GCKR: variants seen among roughly 807,000 people sequenced by gnomAD.
The protein encoded by GCKR is glucokinase regulatory protein.
In GCKR, 73 loss-of-function variants were observed where a neutral mutation model predicts 82.9. That is an observed-to-expected ratio of 0.88 (90% confidence interval 0.73 to 1.07). GCKR has a LOEUF of 1.07. Among genes scored for constraint, GCKR ranks in the 50% least tolerant of loss-of-function variants. The probability of loss-of-function intolerance (pLI) is 0.00; values close to 1 mark genes in which losing one functional copy is unlikely to be tolerated. For synonymous variants in GCKR, 294 were observed against 291.8 expected (o/e 1.01, Z -0.08); for missense variants, 784 against 782.1 (o/e 1.00, Z -0.03).
intron 11 of GCKR, 22 bp downstream of exon 11, chr2:27,506,601 G>T (rs372052187): frequency 1.3e-5 from 20 of 1,527,892 alleles, no homozygotes; most frequent in Non-Finnish European, 1.8e-5. Context: ...TGTGTTTAGA[G>T]GTGAGGATGT....
chr2:27,515,765 A>ATTTT (rs60183178), intron 16 of GCKR, among the ~76,000 whole-genome samples: 1 of 106,926 alleles, frequency 9.4e-6, no homozygotes, highest in Non-Finnish European at 1.8e-5. Context: ...ATATATATAT[A>ATTTT]TTTTTTTTTT....
chr2:27,523,262 C>T lies in GCKR; in HGVS notation c.1708-7C>T. ...AGGCTTCAGTGCCCACTGCCTCTTC[C>T]CCACAGGTGATACCCATCGCCTTGC... On this transcript the variant is annotated splice_polypyrimidine_tract_variant and splice_region_variant and intron_variant, in intron 18 of 18. Transcript: ENST00000264717. The T allele has an allele frequency of 6.2e-7, 1 of 1,611,690 alleles. No individual in the cohort carries two copies.
intron 7 of GCKR, 102 bp downstream of exon 7, chr2:27,499,552 A>G: frequency 2.2e-6 from 2 of 911,022 alleles, no homozygotes; most frequent in South Asian, 1.3e-5. Flanking sequence ...GCTAGAAGGC[A>G]GGAAGTTTGC....
intron 16 of GCKR, among the ~76,000 whole-genome samples, chr2:27,514,587 AT>A (rs1359798054): frequency 6.6e-6 from 1 of 152,136 alleles, no homozygotes; most frequent in East Asian, 1.9e-4. Context: ...TTCCTCATTA[AT>A]TTTTACCTTT....
intron 17 of GCKR, among the ~76,000 whole-genome samples, chr2:27,521,313 A>G (rs1670147418): frequency 6.6e-6 from 1 of 151,812 alleles, no homozygotes; most frequent in Admixed American, 6.6e-5. Flanking sequence ...TCACAAGGTC[A>G]GGAGAAATAG....
intron 17 of GCKR, 28 bp downstream of exon 17, chr2:27,518,965 T>TGGGGG: frequency 4.0e-6 from 3 of 750,416 alleles, no homozygotes; most frequent in Non-Finnish European, 6.8e-6. Context: ...CAGGGTTGGG[T>TGGGGG]GGGACCTGGC....
intron 16 of GCKR, among the ~76,000 whole-genome samples, chr2:27,516,038 A>C (rs950034773): frequency 1.3e-5 from 2 of 151,138 alleles, no homozygotes; most frequent in African/African-American, 4.9e-5. Context: ...CAGCCTCCCA[A>C]AGAGCTGGGG....
intron 16 of GCKR, among the ~76,000 whole-genome samples, chr2:27,515,398 C>T (rs1189651674): frequency 1.3e-5 from 2 of 151,982 alleles, no homozygotes; most frequent in African/African-American, 4.8e-5. Context: ...ACCTCAGCCT[C>T]CCGAGTGACT....
At position 27,518,907 on chromosome 2, in the gene GCKR, G is replaced by A. The variant is rs767576263; in HGVS notation, c.1542G>A (p.Lys514=). 1 of 1,612,392 alleles carries A rather than the reference G, an allele frequency of 6.2e-7. No individual in the cohort carries two copies. The change falls in exon 17 of 19, where the codon AAG becomes AAA. Residue 514 remains lysine (K), a synonymous_variant. Coordinates refer to ENST00000264717, the MANE Select transcript of GCKR (RefSeq NM_001486.4). ...HMLDLRISNS[K]LFWRALAMLQ... is the part of the protein sequence containing the mutation. ...TGGACCTTCGGATTAGCAACTCCAA[G>A]CTCTTCTGGCGGGCGCTGGCCATGC...
chr2:27,506,797 G>T lies in GCKR; in HGVS notation c.978G>T (p.Lys326Asn). Residue 326 changes from lysine (K) to asparagine (N), a missense_variant, in exon 12 of 19, where the codon AAG becomes AAT. Transcript: ENST00000264717. ...LMKSVSTSLE[K>N]KGHVYLVGWQ... is the part of the protein sequence containing the mutation. ...TCTGACCCATTCTCAGTCTGGAGAA[G>T]AAAGGCCACGTGTACCTGGTTGGCT... The T allele has an allele frequency of 6.2e-7, 1 of 1,610,788 alleles. No homozygotes were observed. The highest frequency in any genetic ancestry group is 8.5e-7 in the Non-Finnish European group (1 of 1,176,920).
chr2:27,516,702 T>G (rs1670019268), intron 16 of GCKR, among the ~76,000 whole-genome samples: 1 of 152,176 alleles, frequency 6.6e-6, no homozygotes, highest in African/African-American at 2.4e-5. Flanking sequence ...AAAATATTTT[T>G]GTGTTAATGG....
chr2:27,509,509 T>G, intron 16 of GCKR: 1 of 445,744 alleles, frequency 2.2e-6, no homozygotes, highest in South Asian at 1.6e-5. Context: ...CTGGCTAATT[T>G]TTGTATTTTT....
rs915176817 is a variant in GCKR at position 27,519,306 on chromosome 2, C to CT, written c.1572+382dup. ...TGTTTTCCCCTGTGTTGCTCTCATT[C>CT]TTTTTTTTTTTTTGAGATGGGGTCT... On this transcript the variant is annotated intron_variant, in intron 17 of 18. Coordinates refer to ENST00000264717, the MANE Select transcript of GCKR (RefSeq NM_001486.4). Among the ~76,000 whole-genome samples, 533 of 144,848 alleles carry CT rather than the reference C, an allele frequency of 3.7e-3. 2 individuals carry two copies. Among genetic ancestry groups the CT allele is most frequent in the African/African-American group, 8.1e-3 (321 of 39,776 alleles).
rs1396988593 is a variant in GCKR, at chr2:27,496,979, T to C, written c.60+15T>C. 1.0e-5 allele frequency: 16 copies of C among 1,600,482 alleles called. No individual in the cohort carries two copies. In the Admixed American group the frequency reaches 2.7e-4, roughly 27 times the overall value. On this transcript the variant is annotated intron_variant, in intron 1 of 18. Transcript: ENST00000264717. The stretch of plus-strand genomic sequence containing the variant: ...GCAAGTGGGAGGTGAGACCCCTTCT[T>C]CATGTTGGCTTTCTGTGCTGATTCC...
chr2:27,515,940 AT>A (rs35843492), intron 16 of GCKR, among the ~76,000 whole-genome samples: 75 of 131,966 alleles, frequency 5.7e-4, no homozygotes, highest in Middle Eastern at 7.5e-3. Flanking sequence ...ATTAAACAAA[AT>A]TTTTTTTTTT....
At chr2:27,507,869 C>A in intron 14 of GCKR, 92 bp downstream of exon 14, 1 of 1,128,612 alleles carries the variant, frequency 8.9e-7, no homozygotes, top group Non-Finnish European at 1.4e-6. Flanking sequence ...AGGGTACCTG[C>A]TCAGAGGGAG....
At chr2:27,514,779 A>C (rs1669965855) in intron 16 of GCKR, among the ~76,000 whole-genome samples, 1 of 152,182 alleles carries the variant, frequency 6.6e-6, no homozygotes, top group African/African-American at 2.4e-5. Flanking sequence ...CGGTACATAC[A>C]TATGCCATTT....
intron 7 of GCKR, among the ~76,000 whole-genome samples, chr2:27,499,750 T>G (rs1470138315): frequency 1.3e-5 from 2 of 152,178 alleles, no homozygotes; most frequent in Non-Finnish European, 2.9e-5. Context: ...TTTAAAGTTT[T>G]TTGTTGTTGT....
At position 27,518,769 on chromosome 2, in the gene GCKR, A is replaced by T; in HGVS notation, c.1423-19A>T. 1 of 1,608,372 alleles carries T rather than the reference A, an allele frequency of 6.2e-7. No individual in the cohort carries two copies. The highest frequency in any genetic ancestry group is 8.5e-7 in the Non-Finnish European group (1 of 1,174,732). ...CTGTCCTCTAATTTTTGACACCCCC[A>T]TGTGTCTGCCCTTTTCAGAAGTTCC... is the stretch of plus-strand genomic sequence containing the variant. On this transcript the variant is annotated intron_variant, in intron 16 of 18. Coordinates refer to ENST00000264717, the MANE Select transcript of GCKR (RefSeq NM_001486.4).
Sources: allele counts gnomAD v4.1 joint callset (sites outside exome capture counted in the v4.1 genomes callset), GRCh38; gene constraint gnomAD v4.1.1; transcripts MANE v1.5; gene names NCBI Gene and HGNC (gene_info 2026-07-23, HGNC 2026-07-21).